Variants in GRHL2 observed in about 807,000 individuals in gnomAD.
The protein encoded by GRHL2 is grainyhead like transcription factor 2.
In GRHL2, 21 loss-of-function variants were observed where a neutral mutation model predicts 83.8. The observed-to-expected ratio is 0.25, with a 90% CI of 0.18 to 0.36. The LOEUF (loss-of-function observed/expected upper bound fraction) is 0.36, where lower values mean the gene tolerates loss of function less well. Ranked by LOEUF, GRHL2 falls within the 10% of genes least tolerant of loss-of-function variation. GRHL2 has a pLI of 1.00. For missense variants in GRHL2, 623 were observed against 781.8 expected (o/e 0.80, Z 2.42); for synonymous variants, 280 against 278.9 (o/e 1.00, Z -0.04).
At chr8:101,539,899 G>T (rs1174677234) in intron 1 of GRHL2, among the ~76,000 whole-genome samples, 6 of 152,060 alleles carry the variant, frequency 3.9e-5, no homozygotes, top group African/African-American at 7.2e-5. Context: ...TTTCTCACAC[G>T]CATGGCCCTG....
intron 7 of GRHL2, among the ~76,000 whole-genome samples, chr8:101,596,571 G>A (rs1812396083): frequency 6.6e-6 from 1 of 152,208 alleles, no homozygotes; most frequent in African/African-American, 2.4e-5. Flanking sequence ...ATTCAATTTA[G>A]TAGTATTTGG....
chr8:101,561,946 A>C (rs1811615904), intron 4 of GRHL2: 1 of 610,918 alleles, frequency 1.6e-6, no homozygotes, highest in South Asian at 1.6e-5. Flanking sequence ...AGCAGTTCCA[A>C]GTCTCCAAAG....
At chr8:101,493,493 CG>C (rs35836856) in intron 1 of GRHL2, among the ~76,000 whole-genome samples, 121,481 of 151,734 alleles carry the variant, frequency 0.8, 50,441 homozygotes, top group Non-Finnish European at 0.93. Context: ...CTCAGGTGCC[CG>C]GGGGGAAAGG....
At chr8:101,540,633 C>A (rs1268601601) in intron 1 of GRHL2, among the ~76,000 whole-genome samples, 1 of 152,012 alleles carries the variant, frequency 6.6e-6, no homozygotes, top group African/African-American at 2.4e-5. Flanking sequence ...TTTTTCTGAC[C>A]TGACACAAAA....
At chr8:101,562,877 G>GT (rs777317203) in intron 4 of GRHL2, among the ~76,000 whole-genome samples, 1 of 152,230 alleles carries the variant, frequency 6.6e-6, no homozygotes, top group Non-Finnish European at 1.5e-5. Context: ...AGAATGTGTG[G>GT]TTTTCCAGTT....
chr8:101,669,254 C>CTTTTCTTTTCT lies in GRHL2; in HGVS notation c.*2555_*2556insCTTTTCTTTTT, dbSNP rs77984682. ...GGACATGTGAAATGAGCATTTTTTT[C>CTTTTCTTTTCT]TTTTTTTTTTTTAACAAAGTCTGAA... On this transcript the variant is annotated 3_prime_UTR_variant, in exon 16 of 16. Coordinates refer to ENST00000646743, the MANE Select transcript of GRHL2 (RefSeq NM_024915.4). The CTTTTCTTTTCT allele has an allele frequency of 7.9e-6, 1 of 126,626 alleles. No individual in the cohort carries two copies. Among genetic ancestry groups the CTTTTCTTTTCT allele is most frequent in the East Asian group, 2.2e-4 (1 of 4,474 alleles). 7.8% of individuals were successfully genotyped at this position (126,626 alleles called of 1,614,324 possible).
intron 13 of GRHL2, among the ~76,000 whole-genome samples, chr8:101,646,615 T>A (rs774558529): frequency 1.1e-4 from 16 of 152,238 alleles, no homozygotes; most frequent in Non-Finnish European, 2.4e-4. Flanking sequence ...CCTATTTGTT[T>A]ATTTGTTAGA....
Position 101,652,329 on chromosome 8 carries a change from TG to T in GRHL2, c.1698+2832del, listed in dbSNP as rs1298082467. Among the ~76,000 whole-genome samples, 990 of 117,678 alleles carry T rather than the reference TG, an allele frequency of 8.4e-3. 64 individuals carry two copies. Among genetic ancestry groups the T allele is most frequent in the African/African-American group, 0.033 (792 of 24,344 alleles). 77.2% of individuals were successfully genotyped at this position (117,678 alleles called of 152,430 possible). On this transcript the variant is annotated intron_variant, in intron 14 of 15. Transcript: ENST00000646743. ...TTGGTAGTGTGTGTGCGTGTGTGTG[TG>T]GTGTGTGTGTATGTGTGTGGTGTGT...
intron 1 of GRHL2, among the ~76,000 whole-genome samples, chr8:101,521,267 A>T (rs751547758): frequency 7.9e-5 from 12 of 152,188 alleles, no homozygotes; most frequent in Non-Finnish European, 1.5e-5. Context: ...CCATCAGAGG[A>T]GTCCCTGTTC....
intron 1 of GRHL2, among the ~76,000 whole-genome samples, chr8:101,541,149 TGTGTGTGTGTG>T (rs1811145918): frequency 3.5e-4 from 1 of 2,892 alleles, no homozygotes; most frequent in African/African-American, 6.0e-4. Context: ...TATTTCATGG[TGTGTGTGTGTG>T]TGTGTGTGTG....
At chr8:101,564,125 A>G (rs1811665224) in intron 4 of GRHL2, among the ~76,000 whole-genome samples, 1 of 152,234 alleles carries the variant, frequency 6.6e-6, no homozygotes, top group Admixed American at 6.5e-5. Context: ...AAATATAAAG[A>G]CTATTCCCAC....
intron 1 of GRHL2, among the ~76,000 whole-genome samples, chr8:101,509,759 T>C (rs1057018625): frequency 6.6e-6 from 1 of 152,200 alleles, no homozygotes; most frequent in Non-Finnish European, 1.5e-5. Context: ...AAGGTTAAAC[T>C]TACTATTTTA....
At chr8:101,513,259 G>C (rs554321407) in intron 1 of GRHL2, among the ~76,000 whole-genome samples, 9 of 152,054 alleles carry the variant, frequency 5.9e-5, no homozygotes, top group Non-Finnish European at 7.4e-5. Context: ...CTACTTACTG[G>C]GGTTGTGGCC....
chr8:101,645,057 C>T (rs1813482127), intron 13 of GRHL2, among the ~76,000 whole-genome samples: 1 of 151,508 alleles, frequency 6.6e-6, no homozygotes, highest in Non-Finnish European at 1.5e-5. Context: ...ATATGTTGCC[C>T]AGGTCTCAAA....
chr8:101,622,539 TAGG>T (rs1274434230), intron 9 of GRHL2, among the ~76,000 whole-genome samples: 1 of 152,098 alleles, frequency 6.6e-6, no homozygotes, highest in African/African-American at 2.4e-5. Flanking sequence ...TTGGGAAGGA[TAGG>T]AGGGGTATAT....
At chr8:101,562,349 G>T in intron 4 of GRHL2, 1 of 662,534 alleles carries the variant, frequency 1.5e-6, no homozygotes, top group Non-Finnish European at 2.5e-6. Flanking sequence ...ACCTAGCTTT[G>T]GAGGATTGTG....
chr8:101,571,382 G>A (rs1179099007), intron 5 of GRHL2, among the ~76,000 whole-genome samples: 2 of 151,914 alleles, frequency 1.3e-5, no homozygotes, highest in Non-Finnish European at 2.9e-5. Flanking sequence ...GCAGCTGGGC[G>A]TGGTGGCTCA....
chr8:101,637,570 A>G (rs1260001135), intron 12 of GRHL2, among the ~76,000 whole-genome samples: 1 of 152,216 alleles, frequency 6.6e-6, no homozygotes, highest in African/African-American at 2.4e-5. Flanking sequence ...TTCAGTTTGT[A>G]GACTCAGAAT....
intron 1 of GRHL2, among the ~76,000 whole-genome samples, chr8:101,510,856 A>T (rs1289565971): frequency 6.6e-6 from 1 of 152,102 alleles, no homozygotes; most frequent in Non-Finnish European, 1.5e-5. Context: ...GTACTTTGGG[A>T]GGCTGAGGCA....
Sources: allele counts gnomAD v4.1 joint callset (sites outside exome capture counted in the v4.1 genomes callset), GRCh38; gene constraint gnomAD v4.1.1; transcripts MANE v1.5; gene names NCBI Gene and HGNC (gene_info 2026-07-23, HGNC 2026-07-21).